ABCB11: variants seen among roughly 807,000 people sequenced by gnomAD.
The protein encoded by ABCB11 is bile salt export pump.
Under a neutral mutation model 148.0 loss-of-function variants are expected in ABCB11, and 95 were observed. The observed-to-expected ratio is 0.64, with a 90% CI of 0.54 to 0.76. The LOEUF (loss-of-function observed/expected upper bound fraction) is 0.76. Among genes scored for constraint, ABCB11 ranks in the 30% least tolerant of loss-of-function variants. The pLI, the probability that ABCB11 is intolerant of heterozygous loss-of-function variation, is 0.00. For synonymous variants in ABCB11, 591 were observed against 555.4 expected (o/e 1.06, Z -0.90); for missense variants, 1,523 against 1,617.8 (o/e 0.94, Z 1.01).
intron 1 of ABCB11, among the ~76,000 whole-genome samples, chr2:169,019,662 T>C (rs1488463840): frequency 6.6e-6 from 1 of 152,176 alleles, no homozygotes; most frequent in African/African-American, 2.4e-5. Flanking sequence ...CAACCTGTGT[T>C]GTTCAAGAAT....
At chr2:169,002,035 T>C (rs1322871535) in intron 5 of ABCB11, among the ~76,000 whole-genome samples, 1 of 152,062 alleles carries the variant, frequency 6.6e-6, no homozygotes, top group Non-Finnish European at 1.5e-5. Context: ...ACACTTTAGA[T>C]CCAAAGATAC....
Position 169,031,322 on chromosome 2 carries a change from T to A in ABCB11, c.-125A>T, listed in dbSNP as rs1695863200. ...CTTTTCCAACCTCGGTTTTCATCAT[T>A]CTAAAGCACTGAACAGAATTCAAAC... On this transcript the variant is annotated 5_prime_UTR_variant, in exon 1 of 28. Transcript: ENST00000650372. 1.3e-5 allele frequency: 2 copies of A among 152,220 alleles called. No individual in the cohort carries two copies. Among genetic ancestry groups the A allele is most frequent in the Admixed American group, 6.5e-5 (1 of 15,284 alleles). 9.4% of individuals were successfully genotyped at this position (152,220 alleles called of 1,614,324 possible). A position where few individuals can be genotyped will look rare whatever the true frequency, so the allele number is the denominator to read the frequency against.
intron 19 of ABCB11, among the ~76,000 whole-genome samples, chr2:168,948,467 A>G (rs1692423895): frequency 2.0e-5 from 3 of 150,624 alleles, no homozygotes; most frequent in African/African-American, 4.9e-5. Context: ...CTGGAAAACT[A>G]TAGGTGGTAA....
Position 168,967,982 on chromosome 2 carries a change from C to T in ABCB11, c.2075+445G>A, listed in dbSNP as rs558563735. Among the ~76,000 whole-genome samples the T allele has an allele frequency of 2.3e-4, 35 of 151,976 alleles. No individual in the cohort carries two copies. In the South Asian group the frequency reaches 6.2e-3, roughly 27 times the overall value. ...ATCTAGTTATGGAATGATTTGACTT[C>T]AGATGGGTTACTCTGGGAGCAGAAG... On this transcript the variant is annotated intron_variant, in intron 17 of 27. Transcript: ENST00000650372.
At chr2:168,924,569 T>C (rs566213869) in intron 27 of ABCB11, 88 bp downstream of exon 27, 173 of 1,359,038 alleles carry the variant, frequency 1.3e-4, no homozygotes, top group Non-Finnish European at 1.7e-4. Flanking sequence ...AATCAGAAAA[T>C]TGAAAATAGT....
intron 25 of ABCB11, among the ~76,000 whole-genome samples, chr2:168,928,497 T>G (rs1363934063): frequency 6.6e-6 from 1 of 152,208 alleles, no homozygotes; most frequent in African/African-American, 2.4e-5. Context: ...GTAGGTTTTC[T>G]GCTTAAAATG....
intron 19 of ABCB11, among the ~76,000 whole-genome samples, chr2:168,946,422 A>AG (rs1208581560): frequency 1.3e-5 from 2 of 151,742 alleles, no homozygotes; most frequent in African/African-American, 4.8e-5. Flanking sequence ...AGTGAGTAGG[A>AG]GGGGTTCTAA....
chr2:168,998,148 C>G (rs1017940941), intron 5 of ABCB11, among the ~76,000 whole-genome samples: 3 of 151,986 alleles, frequency 2.0e-5, no homozygotes, highest in Non-Finnish European at 4.4e-5. Context: ...AGAGAGTATA[C>G]TATATTATTA....
chr2:168,937,324 A>G (rs1326076866), intron 21 of ABCB11, among the ~76,000 whole-genome samples: 4 of 152,204 alleles, frequency 2.6e-5, no homozygotes, highest in Non-Finnish European at 5.9e-5. Flanking sequence ...CTGGTGTATA[A>G]GCACCTTTCA....
chr2:168,947,344 A>G (rs1692366833), intron 19 of ABCB11, among the ~76,000 whole-genome samples: 1 of 102,550 alleles, frequency 9.8e-6, no homozygotes, highest in African/African-American at 2.9e-5. Context: ...CGACTCTCAC[A>G]TCCATTTTTT....
chr2:168,969,611 T>G (rs1693481876), intron 15 of ABCB11, 60 bp from the exon 16 acceptor site: 2 of 1,421,866 alleles, frequency 1.4e-6, no homozygotes, highest in Non-Finnish European at 2.0e-6. Context: ...ACACTGACCT[T>G]TGCATCATTT....
intron 19 of ABCB11, among the ~76,000 whole-genome samples, chr2:168,952,677 G>GTTTTTTTTTTTTTTTTTTTTTTTTTTTTT (rs779394916): frequency 1.1e-5 from 1 of 93,624 alleles, no homozygotes; most frequent in Admixed American, 1.1e-4. Flanking sequence ...TTGCTCCTTT[G>GTTTTTTTTTTTTTTTTTTTTTTTTTTTTT]TTTTTTTTTT....
intron 21 of ABCB11, among the ~76,000 whole-genome samples, chr2:168,941,935 A>T (rs1238614858): frequency 6.6e-6 from 1 of 152,014 alleles, no homozygotes; most frequent in Non-Finnish European, 1.5e-5. Flanking sequence ...GAAGTGAAAA[A>T]ATTAGTGTGA....
In ABCB11 at chr2:169,012,738, TA is replaced by T. The variant is rs78964015; in HGVS notation, c.389+533del. On this transcript the variant is annotated intron_variant, in intron 5 of 27. Transcript: ENST00000650372. ...CTGGGCAAAAAAGGAGACTCCATCT[TA>T]AAAAAAAAAAAAAAAGAAAAAAGAA... 6.9e-3 allele frequency among the ~76,000 whole-genome samples: 858 copies of T among 123,602 alleles called. 4 individuals are homozygous for T. Among genetic ancestry groups the T allele is most frequent in the South Asian group, 0.028 (108 of 3,872 alleles). The allele number at this position is 123,602 out of a possible 152,430, so 81.1% of individuals were successfully genotyped here.
At chr2:168,968,555 T>C in intron 16 of ABCB11, 65 bp from the exon 17 acceptor site, 6 of 1,303,562 alleles carry the variant, frequency 4.6e-6, no homozygotes, top group Non-Finnish European at 6.4e-6. Flanking sequence ...CCAAGTAGAA[T>C]TCTTTACTAT....
intron 1 of ABCB11, among the ~76,000 whole-genome samples, chr2:169,030,270 A>G (rs1695827521): frequency 6.6e-6 from 1 of 152,124 alleles, no homozygotes; most frequent in African/African-American, 2.4e-5. Flanking sequence ...AGTGGGGTGG[A>G]GTGTAAACAG....
chr2:168,971,724 C>CTAAA (rs1693584152), intron 14 of ABCB11, 123 bp downstream of exon 14: 1 of 933,128 alleles, frequency 1.1e-6, no homozygotes, highest in Admixed American at 2.3e-5. Context: ...AGGCATGAAA[C>CTAAA]TAAAACATGG....
Position 168,936,232 on chromosome 2 carries a change from G to T in ABCB11, c.2812C>A (p.Gln938Lys). The T allele has an allele frequency of 6.2e-7, 1 of 1,613,094 alleles. No individual in the cohort carries two copies. The highest frequency in any genetic ancestry group is 8.5e-7 in the Non-Finnish European group (1 of 1,179,232). The change falls in exon 22 of 28, where the codon CAG (glutamine) becomes AAG (lysine). Residue 938 changes from glutamine (Q) to lysine (K), a missense_variant and splice_region_variant. Coordinates refer to ENST00000650372, the MANE Select transcript of ABCB11 (RefSeq NM_003742.4). ...GAAAATTAGATCTGCAAGATTACCT[G>T]TCCCACCATCTCCAGGGCCTGCTTA... ...RDKQALEMVG[Q>K]ITNEALSNIR...
Position 168,923,792 on chromosome 2 carries a change from C to T in ABCB11, c.3796G>A (p.Glu1266Lys). ...TVQVALDKAREGRTCIVIAHR... is the reference protein window; with the variant it reads ...TVQVALDKARKGRTCIVIAHR... ...GCAATGACAATGCAGGTCCGACCCT[C>T]TCTGGCTTTGTCTAGAGCAACCTGC... Residue 1266 changes from glutamate (E) to lysine (K), a missense_variant, in exon 28 of 28, where the codon GAG (glutamate) becomes AAG (lysine). Transcript: ENST00000650372. 1 of 1,613,958 alleles carries T rather than the reference C, an allele frequency of 6.2e-7. No individual in the cohort carries two copies. The highest frequency in any genetic ancestry group is 8.5e-7 in the Non-Finnish European group (1 of 1,179,880).
Sources: gnomAD v4.1 joint callset for allele counts (sites outside exome capture counted in the v4.1 genomes callset) on GRCh38, gnomAD v4.1.1 for gene constraint, MANE v1.5 for transcripts, NCBI Gene and HGNC (gene_info 2026-07-23, HGNC 2026-07-21) for gene names.